The following TUBA1C variants were observed in gnomAD, a reference collection of about 807,000 sequenced individuals.
TUBA1C encodes tubulin alpha 1c, also known as tubulin alpha-1C chain.
In TUBA1C, 16 loss-of-function variants were observed where a neutral mutation model predicts 34.9. That is an observed-to-expected ratio of 0.46 (90% confidence interval 0.31 to 0.70). TUBA1C has a LOEUF of 0.70. Among genes scored for constraint, TUBA1C ranks in the 30% least tolerant of loss-of-function variants. The pLI, the probability that TUBA1C is intolerant of heterozygous loss-of-function variation, is 0.05. For synonymous variants in TUBA1C, 177 were observed against 215.9 expected, an observed-to-expected ratio of 0.82 and a Z score of 1.58; for missense variants, 329 against 587.3, an observed-to-expected ratio of 0.56 and a Z score of 4.55.
chr12:49,236,641 A>G (rs1942558233), intron 1 of TUBA1C, among the ~76,000 whole-genome samples: 1 of 152,210 alleles, frequency 6.6e-6, no homozygotes, highest in South Asian at 2.1e-4. Flanking sequence ...ACTTTCTGAG[A>G]AATGCATCCT....
At chr12:49,258,410 T>C (rs945957337) in intron 1 of TUBA1C, among the ~76,000 whole-genome samples, 2 of 151,938 alleles carry the variant, frequency 1.3e-5, no homozygotes, top group African/African-American at 4.8e-5. Flanking sequence ...CTTGTTTTTA[T>C]AAAAATTATT....
intron 1 of TUBA1C, among the ~76,000 whole-genome samples, chr12:49,229,213 G>T (rs933191599): frequency 6.6e-6 from 1 of 152,088 alleles, no homozygotes; most frequent in African/African-American, 2.4e-5. Flanking sequence ...TCACCCTGTC[G>T]CCCAGGCTGG....
Position 49,269,919 on chromosome 12 carries a change from G to A in TUBA1C, c.318G>A (p.Gly106=), listed in dbSNP as rs555991943. 3.1e-6 allele frequency: 5 copies of A among 1,614,180 alleles called. No homozygotes were observed. In the African/African-American group the frequency reaches 6.7e-5, roughly 22 times the overall value. Residue 106 remains glycine (G), a synonymous_variant, in exon 3 of 4, where the codon GGG becomes GGA. Transcript: ENST00000301072. ...KEDAANNYAR[G]HYTIGKEIID... is the part of the protein sequence containing the mutation. The stretch of plus-strand genomic sequence containing the variant: ...ATGCTGCCAATAACTATGCCCGAGG[G>A]CACTACACCATTGGCAAGGAGATCA...
chr12:49,234,574 G>A (rs554370525), intron 1 of TUBA1C, among the ~76,000 whole-genome samples: 1 of 152,308 alleles, frequency 6.6e-6, no homozygotes, highest in South Asian at 2.1e-4. Flanking sequence ...CAGTCCTGGC[G>A]AGCCCCGAGC....
intron 1 of TUBA1C, among the ~76,000 whole-genome samples, chr12:49,248,372 C>T (rs180929319): frequency 2.5e-3 from 373 of 152,042 alleles, no homozygotes; most frequent in Middle Eastern, 0.014. Flanking sequence ...GAGTTCAAAA[C>T]CAGCCTGGCC....
intron 1 of TUBA1C, among the ~76,000 whole-genome samples, chr12:49,230,318 G>C (rs1224002496): frequency 1.3e-5 from 2 of 152,056 alleles, no homozygotes; most frequent in Non-Finnish European, 2.9e-5. Flanking sequence ...AAGCTTTCTG[G>C]CTGGCTGGAG....
intron 1 of TUBA1C, among the ~76,000 whole-genome samples, chr12:49,249,723 T>C (rs1012709419): frequency 2.0e-5 from 3 of 151,632 alleles, no homozygotes; most frequent in African/African-American, 7.3e-5. Context: ...TAGCCAGTCA[T>C]GGTGGCACGT....
intron 1 of TUBA1C, among the ~76,000 whole-genome samples, chr12:49,247,947 CA>C (rs59651984): frequency 0.057 from 4,903 of 86,440 alleles, 83 homozygotes; most frequent in Middle Eastern, 0.14. Context: ...GATTCCGTCT[CA>C]AAAAAAAAAA....
chr12:49,270,344 T>C, intron 3 of TUBA1C: 1 of 391,864 alleles, frequency 2.6e-6, no homozygotes, highest in South Asian at 2.1e-5. Flanking sequence ...AAGAAGCCAG[T>C]GTCACACTGA....
intron 1 of TUBA1C, among the ~76,000 whole-genome samples, chr12:49,247,947 CAAAAA>C (rs59651984): frequency 1.2e-5 from 1 of 86,510 alleles, no homozygotes; most frequent in Non-Finnish European, 2.5e-5. Context: ...GATTCCGTCT[CAAAAA>C]AAAAAAAAAA....
intron 1 of TUBA1C, chr12:49,228,271 G>T: frequency 2.8e-6 from 3 of 1,090,590 alleles, no homozygotes; most frequent in Non-Finnish European, 3.8e-6. Context: ...CCTATTTATT[G>T]TTTCATGTTT....
intron 1 of TUBA1C, among the ~76,000 whole-genome samples, chr12:49,246,481 C>A (rs1390987361): frequency 6.6e-6 from 1 of 150,888 alleles, no homozygotes; most frequent in African/African-American, 2.4e-5. Flanking sequence ...AGATCCAGAT[C>A]ATCCTGGCTA....
rs369308226 is a variant in TUBA1C, at chr12:49,272,361, G to A, written c.484G>A (p.Gly162Ser). ...LLMERLSVDY[G>S]KKSKLEFSIY... Reference sequence around the variant, plus strand: ...CATGGAACGTCTCTCAGTTGATTATGGCAAGAAGTCCAAGCTGGAGTTCTC... The same window carrying A: ...CATGGAACGTCTCTCAGTTGATTATAGCAAGAAGTCCAAGCTGGAGTTCTC... Residue 162 changes from glycine to serine, a missense_variant, in exon 4 of 4, where the codon GGC (glycine) becomes AGC (serine). Around this residue, in one of 4 missense-constraint regions of TUBA1C, gnomAD observed 152 missense variants for 240.3 expected, o/e 0.63. Coordinates refer to ENST00000301072, the MANE Select transcript of TUBA1C (RefSeq NM_032704.5). 6.2e-7 allele frequency: 1 copy of A among 1,614,048 alleles called. No individual in the cohort carries two copies.
chr12:49,231,995 G>A (rs1464300656), intron 1 of TUBA1C, among the ~76,000 whole-genome samples: 1 of 152,178 alleles, frequency 6.6e-6, no homozygotes, highest in Non-Finnish European at 1.5e-5. Flanking sequence ...CTAATGCTGG[G>A]CTGATTTCCT....
At chr12:49,270,466 A>G (rs777340627) in intron 3 of TUBA1C, among the ~76,000 whole-genome samples, 30 of 152,172 alleles carry the variant, frequency 2.0e-4, no homozygotes, top group East Asian at 9.6e-4. Context: ...CAATCAGATG[A>G]CTCTTTGCTC....
chr12:49,240,387 G>C (rs1332306374), intron 1 of TUBA1C, among the ~76,000 whole-genome samples: 1 of 150,958 alleles, frequency 6.6e-6, no homozygotes, highest in Non-Finnish European at 1.5e-5. Flanking sequence ...TTGAAATCCT[G>C]ATTCCACAGA....
rs368940445 is a variant in TUBA1C, at chr12:49,243,598, G to T, written c.213+15432G>T. The stretch of plus-strand genomic sequence containing the variant: ...GGCTAAGGGATAGCTTTTTGTTTTT[G>T]ATTTTTATTATTTTATCTATTTATT... On this transcript the variant is annotated intron_variant, in intron 1 of 3. Coordinates refer to the TUBA1C transcript ENST00000541364. Among the ~76,000 whole-genome samples the T allele has an allele frequency of 2.0e-4, 30 of 152,088 alleles. No individual in the cohort carries two copies. The East Asian group carries it at 5.2e-3, about 26-fold the overall frequency.
intron 1 of TUBA1C, among the ~76,000 whole-genome samples, chr12:49,250,595 C>T (rs1276932896): frequency 5.3e-5 from 8 of 151,110 alleles, no homozygotes; most frequent in Non-Finnish European, 8.8e-5. Context: ...TCAATCTCTG[C>T]CCTACAAAAA....
At chr12:49,253,584 GAGT>G (rs1942752274) in intron 1 of TUBA1C, among the ~76,000 whole-genome samples, 1 of 152,112 alleles carries the variant, frequency 6.6e-6, no homozygotes, top group African/African-American at 2.4e-5. Flanking sequence ...GCCCAGGCTG[GAGT>G]GCAGTGGCAC....
Sources: allele counts gnomAD v4.1 joint callset (sites outside exome capture counted in the v4.1 genomes callset), GRCh38; gene constraint gnomAD v4.1.1; regional missense constraint gnomAD v4.1.1; transcripts MANE v1.5; gene names NCBI Gene and HGNC (gene_info 2026-07-23, HGNC 2026-07-21).